TRAPPC9: variants seen among roughly 807,000 people sequenced by gnomAD.
TRAPPC9 encodes the protein IKK2 binding protein.
TRAPPC9 carries 83 observed loss-of-function variants against 124.0 expected under a neutral mutation model. The ratio of observed to expected loss-of-function variants is 0.67; its 90% CI spans 0.56 to 0.80. The LOEUF (loss-of-function observed/expected upper bound fraction) is 0.80. Among genes scored for constraint, TRAPPC9 ranks in the 30% least tolerant of loss-of-function variants. TRAPPC9 has a pLI of 0.00. For missense variants in TRAPPC9, 1,302 were observed against 1,508.3 expected (o/e 0.86, Z 2.27); for synonymous variants, 638 against 617.5 (o/e 1.03, Z -0.49).
chr8:140,159,610 T>C (rs990849392), intron 17 of TRAPPC9, among the ~76,000 whole-genome samples: 1 of 152,222 alleles, frequency 6.6e-6, no homozygotes, highest in Non-Finnish European at 1.5e-5. Flanking sequence ...CCAAATCATT[T>C]AGCTAAAGTA....
chr8:140,071,189 C>G (rs568878259), intron 17 of TRAPPC9, among the ~76,000 whole-genome samples: 2 of 152,208 alleles, frequency 1.3e-5, no homozygotes, highest in Non-Finnish European at 2.9e-5. Flanking sequence ...AAACTCATGT[C>G]TGGCTTATAT....
At chr8:139,861,881 C>T (rs1828184970) in intron 21 of TRAPPC9, among the ~76,000 whole-genome samples, 1 of 149,866 alleles carries the variant, frequency 6.7e-6, no homozygotes. Context: ...CCTGGGGCCT[C>T]CCAGGTAGAC....
chr8:139,835,438 T>C (rs1052487684), intron 21 of TRAPPC9, among the ~76,000 whole-genome samples: 3 of 152,196 alleles, frequency 2.0e-5, no homozygotes, highest in African/African-American at 7.2e-5. Flanking sequence ...CTGCGCCCCA[T>C]TGTGTCACTG....
intron 11 of TRAPPC9, among the ~76,000 whole-genome samples, chr8:140,295,944 A>G (rs567428946): frequency 2.3e-4 from 35 of 152,340 alleles, no homozygotes; most frequent in African/African-American, 7.2e-4. Flanking sequence ...AAAATCTTAC[A>G]TCATCCACTG....
intron 17 of TRAPPC9, among the ~76,000 whole-genome samples, chr8:140,187,701 G>T (rs942529062): frequency 6.6e-6 from 1 of 152,074 alleles, no homozygotes; most frequent in Non-Finnish European, 1.5e-5. Flanking sequence ...TTAAGACAGG[G>T]TCTCGCTCTG....
chr8:140,190,372 T>C (rs1587888169), intron 17 of TRAPPC9, among the ~76,000 whole-genome samples: 1 of 152,036 alleles, frequency 6.6e-6, no homozygotes, highest in South Asian at 2.1e-4. Context: ...GCAGGAGAAG[T>C]GCTTGAACTC....
intron 18 of TRAPPC9, among the ~76,000 whole-genome samples, chr8:140,011,438 G>A (rs1245019796): frequency 1.3e-5 from 2 of 150,546 alleles, no homozygotes; most frequent in Admixed American, 6.6e-5. Flanking sequence ...AATAATGGGT[G>A]TCTATGTGAG....
chr8:139,757,618 C>A (rs1819940247), intron 21 of TRAPPC9, among the ~76,000 whole-genome samples: 1 of 151,998 alleles, frequency 6.6e-6, no homozygotes, highest in South Asian at 2.1e-4. Flanking sequence ...GTGCAGTGGG[C>A]CCAGTGGCTG....
intron 9 of TRAPPC9, among the ~76,000 whole-genome samples, chr8:140,341,565 A>G (rs1331790163): frequency 6.6e-6 from 1 of 152,190 alleles, no homozygotes; most frequent in Non-Finnish European, 1.5e-5. Flanking sequence ...AGTTTGCATC[A>G]AAGGCTGTTC....
upstream of TRAPPC9, among the ~76,000 whole-genome samples, chr8:140,457,930 G>C (rs555939100): frequency 2.4e-5 from 3 of 123,218 alleles, no homozygotes; most frequent in African/African-American, 9.5e-5. Flanking sequence ...AGGAGGAGGA[G>C]GGAGGAGGGA....
At chr8:140,179,629 ATTCT>A (rs1203544861) in intron 17 of TRAPPC9, among the ~76,000 whole-genome samples, 1 of 152,106 alleles carries the variant, frequency 6.6e-6, no homozygotes, top group African/African-American at 2.4e-5. Context: ...CTTCACTGAC[ATTCT>A]TTCTATTTGA....
chr8:139,729,035 T>C lies in TRAPPC9; in HGVS notation c.*2026A>G, dbSNP rs1455337148. Among the ~76,000 whole-genome samples, 3 of 152,230 alleles carry C rather than the reference T, an allele frequency of 2.0e-5. No individual in the cohort carries two copies. The highest frequency in any genetic ancestry group is 1.3e-4 in the Admixed American group (2 of 15,288). The stretch of plus-strand genomic sequence containing the variant: ...GGATCTGTGGCTGGATCTATATCTG[T>C]AGCTATGTGTGTACCTGTATCTTGA... On this transcript the variant is annotated 3_prime_UTR_variant, in exon 23 of 23. Transcript: ENST00000438773.
rs1300155078 is a variant in TRAPPC9, at chr8:140,239,660, T to A, written c.2431+13117A>T. 2.6e-5 allele frequency among the ~76,000 whole-genome samples: 4 copies of A among 152,124 alleles called. No individual in the cohort carries two copies. In the East Asian group the frequency reaches 7.7e-4, roughly 29 times the overall value. On this transcript the variant is annotated intron_variant, in intron 16 of 22. Coordinates refer to ENST00000438773, the MANE Select transcript of TRAPPC9 (RefSeq NM_001160372.4). ...ACACCTACACCAACACACCGTGCAC[T>A]CCGCCAGGTCCTCTGCTCTCGCCAG...
intron 17 of TRAPPC9, among the ~76,000 whole-genome samples, chr8:140,206,184 C>T (rs199760150): frequency 3.3e-5 from 5 of 152,060 alleles, no homozygotes; most frequent in South Asian, 2.1e-4. Context: ...AATAAGCATT[C>T]GGGAAAATTC....
At chr8:139,932,905 TAA>T (rs3060603) in intron 19 of TRAPPC9, 4,762 of 152,972 alleles carry the variant, frequency 0.031, 136 homozygotes, top group African/African-American at 0.082. Context: ...CATAAGCTGG[TAA>T]AAAAAAAAAA....
intron 6 of TRAPPC9, among the ~76,000 whole-genome samples, chr8:140,404,693 T>TGCATGTGTGCGCACATGTGA (rs1289246103): frequency 6.6e-6 from 1 of 152,004 alleles, no homozygotes; most frequent in Non-Finnish European, 1.5e-5. Flanking sequence ...TGTGTGTACG[T>TGCATGTGTGCGCACATGTGA]GCATGTGTGC....
At chr8:140,137,566 C>T (rs938974895) in intron 17 of TRAPPC9, among the ~76,000 whole-genome samples, 1 of 152,224 alleles carries the variant, frequency 6.6e-6, no homozygotes, top group African/African-American at 2.4e-5. Context: ...CTGTGACGGT[C>T]GGGGTCAAGC....
intron 7 of TRAPPC9, among the ~76,000 whole-genome samples, chr8:140,386,052 AC>A (rs2068747029): frequency 6.6e-6 from 1 of 152,228 alleles, no homozygotes; most frequent in African/African-American, 2.4e-5. Flanking sequence ...TATAAACAGA[AC>A]CAAAGACAAA....
chr8:140,109,132 C>T (rs1271586591), intron 17 of TRAPPC9, among the ~76,000 whole-genome samples: 1 of 152,072 alleles, frequency 6.6e-6, no homozygotes, highest in African/African-American at 2.4e-5. Context: ...AAAGTGATGC[C>T]TCACAAGCAA....
Sources: gnomAD v4.1 joint callset for allele counts (sites outside exome capture counted in the v4.1 genomes callset) on GRCh38, gnomAD v4.1.1 for gene constraint, MANE v1.5 for transcripts, NCBI Gene and HGNC (gene_info 2026-07-23, HGNC 2026-07-21) for gene names.